CTPS2: variants seen among roughly 807,000 people sequenced by gnomAD.
CTPS2 encodes the protein CTP synthase II.
A neutral mutation model predicts 46.8 loss-of-function variants in CTPS2; 19 were observed. The observed-to-expected ratio is 0.41, with a 90% CI of 0.28 to 0.60. CTPS2 has a LOEUF of 0.60. Ranked by LOEUF, CTPS2 falls within the 20% of genes least tolerant of loss-of-function variation. The pLI is 0.35. For missense variants in CTPS2, 286 were observed against 447.6 expected, an observed-to-expected ratio of 0.64 and a Z score of 3.26; for synonymous variants, 151 against 165.2, an observed-to-expected ratio of 0.91 and a Z score of 0.66.
Position 16,589,238 on chromosome X carries a change from T to C in CTPS2, c.*579A>G, listed in dbSNP as rs1928766744. 1 of 111,852 alleles carries C rather than the reference T, an allele frequency of 8.9e-6. No homozygotes were observed. Among genetic ancestry groups the C allele is most frequent in the African/African-American group, 3.2e-5 (1 of 30,782 alleles). The allele number at this position is 111,852 out of a possible 1,213,427, so 9.2% of individuals were successfully genotyped here. A position where few individuals can be genotyped will look rare whatever the true frequency, so the allele number is the denominator to read the frequency against. On this transcript the variant is annotated 3_prime_UTR_variant, in exon 19 of 19. Coordinates refer to ENST00000359276, the MANE Select transcript of CTPS2 (RefSeq NM_175859.3). The stretch of plus-strand genomic sequence containing the variant: ...GTATTGCTGATCTTGATTCCTGAGT[T>C]TTTTGGAGCCCCCTTAAATTTTGTG...
rs777250867 is a variant in CTPS2, at chrX:16,652,366, A to G, written c.1297-13123T>C. ...TTTAACCAGAAATGTCCCTTCTGCC[A>G]ATATGACAATTGGAAAGACTTCTGT... On this transcript the variant is annotated intron_variant, in intron 13 of 18. Transcript: ENST00000359276. 4.5e-5 allele frequency among the ~76,000 whole-genome samples: 5 copies of G among 112,052 alleles called. No individual in the cohort carries two copies. In the South Asian group the frequency reaches 1.1e-3, roughly 25 times the overall value.
chrX:16,696,296 CAA>C (rs760851801), intron 4 of CTPS2, among the ~76,000 whole-genome samples: 13 of 111,595 alleles, frequency 1.2e-4, no homozygotes, highest in Non-Finnish European at 2.1e-4. Flanking sequence ...TACAATCAAC[CAA>C]AGAGGATGGT....
chrX:16,613,139 A>G (rs1192054329), intron 16 of CTPS2, among the ~76,000 whole-genome samples: 1 of 112,246 alleles, frequency 8.9e-6, no homozygotes, highest in Non-Finnish European at 1.9e-5. Flanking sequence ...ATGAGCTAAG[A>G]CGGAGAAAGA....
intron 16 of CTPS2, among the ~76,000 whole-genome samples, chrX:16,616,496 A>G (rs1328819759): frequency 9.1e-6 from 1 of 109,484 alleles, no homozygotes; most frequent in East Asian, 2.8e-4. Flanking sequence ...TTCTCAAAAG[A>G]GGAGAGCAGG....
chrX:16,670,648 C>G lies in CTPS2; in HGVS notation c.1121G>C (p.Gly374Ala). Residue 374 changes from glycine (G) to alanine (A), a missense_variant, in exon 11 of 19, where the codon GGA (glycine) becomes GCA (alanine). By Grantham distance (60) the Gly-to-Ala change is moderately conservative (BLOSUM62 0). Coordinates refer to ENST00000359276, the MANE Select transcript of CTPS2 (RefSeq NM_175859.3). ...ADGILVPGGF[G>A]IRGTLGKLQA... ...GAGTTTTCCCAATGTTCCTCTGATT[C>G]CAAAGCCTCCAGGCACAAGAATACC... 1.7e-6 allele frequency: 2 copies of G among 1,202,042 alleles called. No individual in the cohort carries two copies. The highest frequency in any genetic ancestry group is 1.1e-6 in the Non-Finnish European group (1 of 889,053).
At chrX:16,615,366 TAGACA>T (rs1161489883) in intron 16 of CTPS2, among the ~76,000 whole-genome samples, 1 of 111,181 alleles carries the variant, frequency 9.0e-6, no homozygotes, top group Non-Finnish European at 1.9e-5. Context: ...AAAGCAGCCA[TAGACA>T]AGACATAAAT....
intron 14 of CTPS2, among the ~76,000 whole-genome samples, chrX:16,630,485 C>A (rs1007392262): frequency 3.6e-5 from 4 of 110,197 alleles, no homozygotes; most frequent in Non-Finnish European, 7.6e-5. Context: ...AACTCCCAAC[C>A]TCAGGTGATC....
intron 13 of CTPS2, among the ~76,000 whole-genome samples, chrX:16,658,642 G>C (rs752589043): frequency 6.2e-4 from 70 of 112,469 alleles, no homozygotes; most frequent in Non-Finnish European, 1.3e-3. Context: ...AGGTTGTATG[G>C]ATTCATAACT....
chrX:16,625,406 T>C (rs961732572), intron 14 of CTPS2, among the ~76,000 whole-genome samples: 1 of 111,946 alleles, frequency 8.9e-6, no homozygotes, highest in African/African-American at 3.3e-5. Context: ...AGCCACTGTG[T>C]GCACTCAAAT....
chrX:16,665,265 T>C (rs1921078498), intron 13 of CTPS2, among the ~76,000 whole-genome samples: 2 of 112,760 alleles, frequency 1.8e-5, no homozygotes, highest in African/African-American at 6.4e-5. Context: ...AATTACCATA[T>C]GACTCAGAAA....
intron 2 of CTPS2, among the ~76,000 whole-genome samples, chrX:16,701,745 C>T (rs1602290885): frequency 2.7e-5 from 3 of 109,556 alleles, no homozygotes; most frequent in South Asian, 4.0e-4. Flanking sequence ...GGACTACAGG[C>T]GCTCGCCACC....
chrX:16,670,588 G>C lies in CTPS2; in HGVS notation c.1181C>G (p.Pro394Arg). 8.3e-7 allele frequency: 1 copy of C among 1,198,606 alleles called. No individual in the cohort carries two copies. Among genetic ancestry groups the C allele is most frequent in the East Asian group, 3.0e-5 (1 of 33,454 alleles). The part of the protein sequence containing the change: ...AISWARTKKI[P>R]FLGVCLGMQL... ...ATAAACATGAGTTTTACCCAGAAAA[G>C]GAATCTTCTTTGTCCTTGCCCAAGA... Residue 394 changes from proline to arginine, a missense_variant, in exon 11 of 19, where the codon CCT (proline) becomes CGT (arginine). Physicochemically the swap from Pro to Arg is moderately radical, Grantham distance 103. Coordinates refer to ENST00000359276, the MANE Select transcript of CTPS2 (RefSeq NM_175859.3).
chrX:16,641,363 T>C (rs923683851), intron 13 of CTPS2, among the ~76,000 whole-genome samples: 1 of 111,671 alleles, frequency 9.0e-6, no homozygotes, highest in African/African-American at 3.3e-5. Flanking sequence ...CCAAGAAGAG[T>C]CTTTACATGT....
chrX:16,667,128 C>A (rs995143076), intron 13 of CTPS2, among the ~76,000 whole-genome samples: 1 of 97,286 alleles, frequency 1.0e-5, no homozygotes, highest in Admixed American at 1.1e-4. Context: ...ATAATAGACC[C>A]CCCCCCGCCT....
Position 16,670,073 on chromosome X carries a change from C to A in CTPS2, c.1189+507G>T, listed in dbSNP as rs987138546. 4.2e-4 allele frequency among the ~76,000 whole-genome samples: 25 copies of A among 58,931 alleles called. No individual in the cohort carries two copies. The East Asian group carries it at 4.8e-3, about 11-fold the overall frequency. The allele number at this position is 58,931 out of a possible 115,157, so 51.2% of individuals were successfully genotyped here. A position where few individuals can be genotyped will look rare whatever the true frequency, so the allele number is the denominator to read the frequency against. On this transcript the variant is annotated intron_variant, in intron 11 of 18. Coordinates refer to ENST00000359276, the MANE Select transcript of CTPS2 (RefSeq NM_175859.3). ...ACTCCATCTCTTAAAAAAAAAAAAACACACACACACACAAAAATTAGCCAG... is the reference window on the plus strand; with the variant it reads ...ACTCCATCTCTTAAAAAAAAAAAAAAACACACACACACAAAAATTAGCCAG...
intron 14 of CTPS2, among the ~76,000 whole-genome samples, chrX:16,621,378 C>T (rs1459813496): frequency 9.3e-6 from 1 of 107,502 alleles, no homozygotes; most frequent in Non-Finnish European, 1.9e-5. Context: ...GTGCAGCACA[C>T]CAACATGGCA....
At chrX:16,710,455 G>A (rs1278039194) in intron 1 of CTPS2, among the ~76,000 whole-genome samples, 3 of 112,308 alleles carry the variant, frequency 2.7e-5, no homozygotes, top group South Asian at 3.6e-4. Context: ...GCTGTCAGCC[G>A]TGACCCTTAT....
intron 14 of CTPS2, among the ~76,000 whole-genome samples, chrX:16,625,896 T>G (rs1356486563): frequency 1.8e-5 from 2 of 111,168 alleles, no homozygotes; most frequent in Non-Finnish European, 3.8e-5. Context: ...GTTTGGGGTT[T>G]ATATAGTACA....
At chrX:16,684,999 G>A (rs1602261219) in intron 8 of CTPS2, among the ~76,000 whole-genome samples, 1 of 111,288 alleles carries the variant, frequency 9.0e-6, no homozygotes, top group East Asian at 2.8e-4. Flanking sequence ...ACTGAGGAAG[G>A]AGAATCACTT....
Sources: gnomAD v4.1 joint callset for allele counts (sites outside exome capture counted in the v4.1 genomes callset) on GRCh38, gnomAD v4.1.1 for gene constraint, MANE v1.5 for transcripts, NCBI Gene and HGNC (gene_info 2026-07-23, HGNC 2026-07-21) for gene names.